Variants in XKR4 observed in about 807,000 individuals in gnomAD.
XKR4 encodes the protein XK-related protein 4.
In XKR4, 12 loss-of-function variants were observed where a neutral mutation model predicts 53.9. That is an observed-to-expected ratio of 0.22 (90% confidence interval 0.14 to 0.36). The LOEUF (loss-of-function observed/expected upper bound fraction) is 0.36. XKR4 is among the 10% of genes least tolerant of loss of function. The pLI is 1.00. For missense variants in XKR4, 799 were observed against 859.5 expected, an observed-to-expected ratio of 0.93 and a Z score of 0.88; for synonymous variants, 354 against 362.4, an observed-to-expected ratio of 0.98 and a Z score of 0.26.
At chr8:55,487,697 G>T (rs1806215440) in intron 2 of XKR4, among the ~76,000 whole-genome samples, 1 of 152,080 alleles carries the variant, frequency 6.6e-6, no homozygotes, top group South Asian at 2.1e-4. Flanking sequence ...TTGAACTCCT[G>T]GCCTCATGTG....
chr8:55,345,766 G>T (rs541075583), intron 1 of XKR4, among the ~76,000 whole-genome samples: 2 of 152,286 alleles, frequency 1.3e-5, no homozygotes, highest in East Asian at 3.9e-4. Context: ...GAGGTGGTGT[G>T]CTTGGGGCAC....
chr8:55,533,340 G>C lies in XKR4; in HGVS notation c.*9113G>C, dbSNP rs1385024076. ...CACCTTAACATAACCAAAAAAAGGAGACCTGTCAGCTAGTGAAAGAATTGT... is the reference window on the plus strand; with the variant it reads ...CACCTTAACATAACCAAAAAAAGGACACCTGTCAGCTAGTGAAAGAATTGT... On this transcript the variant is annotated 3_prime_UTR_variant, in exon 3 of 3. Coordinates refer to ENST00000327381, the MANE Select transcript of XKR4 (RefSeq NM_052898.2). 1 of 152,148 alleles carries C rather than the reference G, an allele frequency of 6.6e-6. No individual in the cohort carries two copies. Among genetic ancestry groups the C allele is most frequent in the Non-Finnish European group, 1.5e-5 (1 of 68,020 alleles). The allele number at this position is 152,148 out of a possible 1,614,324, so 9.4% of individuals were successfully genotyped here. A position where few individuals can be genotyped will look rare whatever the true frequency, so the allele number is the denominator to read the frequency against.
At position 55,466,080 on chromosome 8, in the gene XKR4, G is replaced by A. The variant is rs867161238; in HGVS notation, c.1007-57201G>A. On this transcript the variant is annotated intron_variant, in intron 2 of 2. Coordinates refer to ENST00000327381, the MANE Select transcript of XKR4 (RefSeq NM_052898.2). Reference sequence around the variant, plus strand: ...CAACCATTGTGGAAGTCAGTGTGGCGATTCCTCAGGGATCTAGAACTAGAA... The same window carrying A: ...CAACCATTGTGGAAGTCAGTGTGGCAATTCCTCAGGGATCTAGAACTAGAA... 5.9e-3 allele frequency among the ~76,000 whole-genome samples: 902 copies of A among 152,140 alleles called. 15 individuals are homozygous for A. The highest frequency in any genetic ancestry group is 0.02 in the African/African-American group (840 of 41,470).
chr8:55,438,712 A>T (rs1243420217), intron 2 of XKR4, among the ~76,000 whole-genome samples: 1 of 152,166 alleles, frequency 6.6e-6, no homozygotes, highest in Non-Finnish European at 1.5e-5. Context: ...CTTATTATAT[A>T]AAGAAAGAAA....
chr8:55,490,701 A>G (rs1876235), intron 2 of XKR4, among the ~76,000 whole-genome samples: 65,523 of 151,954 alleles, frequency 0.43, 15,881 homozygotes, highest in African/African-American at 0.66. Context: ...TGTACGTGAC[A>G]TGTTTTTTTT....
At chr8:55,331,761 C>T (rs1803387505) in intron 1 of XKR4, among the ~76,000 whole-genome samples, 1 of 152,070 alleles carries the variant, frequency 6.6e-6, no homozygotes, top group Admixed American at 6.6e-5. Flanking sequence ...TATTAGTTTG[C>T]CATCCCTACC....
intron 1 of XKR4, among the ~76,000 whole-genome samples, chr8:55,270,860 G>A (rs879282530): frequency 6.6e-6 from 1 of 152,164 alleles, no homozygotes; most frequent in Non-Finnish European, 1.5e-5. Flanking sequence ...GGAAAGAGGG[G>A]TGAAAGGCAT....
intron 1 of XKR4, among the ~76,000 whole-genome samples, chr8:55,226,995 T>G (rs1365898269): frequency 6.6e-6 from 1 of 152,178 alleles, no homozygotes; most frequent in Non-Finnish European, 1.5e-5. Flanking sequence ...GGCTCACTCT[T>G]ACTTACCTGT....
chr8:55,460,104 G>C (rs1248542696), intron 2 of XKR4, among the ~76,000 whole-genome samples: 2 of 147,782 alleles, frequency 1.4e-5, no homozygotes, highest in Non-Finnish European at 3.0e-5. Context: ...CAATACAAAA[G>C]AATAACAACT....
chr8:55,334,186 A>G (rs1244736232), intron 1 of XKR4, among the ~76,000 whole-genome samples: 1 of 152,242 alleles, frequency 6.6e-6, no homozygotes, highest in African/African-American at 2.4e-5. Context: ...TGAATAACCT[A>G]GAATGGTGAA....
chr8:55,186,859 T>G (rs1405119902), intron 1 of XKR4, among the ~76,000 whole-genome samples: 3 of 152,200 alleles, frequency 2.0e-5, no homozygotes, highest in Non-Finnish European at 4.4e-5. Flanking sequence ...TTGTTATATT[T>G]GTAATCAGTA....
At position 55,539,041 on chromosome 8, in the gene XKR4, C is replaced by T. The variant is rs1198420804; in HGVS notation, c.*14814C>T. Reference sequence around the variant, plus strand: ...GGGAATTCTACTAAAGGATAAAGGACACAGTGTGAAAACAACATCAGAGAA... The same window carrying T: ...GGGAATTCTACTAAAGGATAAAGGATACAGTGTGAAAACAACATCAGAGAA... On this transcript the variant is annotated 3_prime_UTR_variant, in exon 3 of 3. Transcript: ENST00000327381. 6.6e-6 allele frequency: 1 copy of T among 152,188 alleles called. No individual in the cohort carries two copies. Among genetic ancestry groups the T allele is most frequent in the Non-Finnish European group, 1.5e-5 (1 of 68,040 alleles). The allele number at this position is 152,188 out of a possible 1,614,324, so 9.4% of individuals were successfully genotyped here. A position where few individuals can be genotyped will look rare whatever the true frequency, so the allele number is the denominator to read the frequency against.
intron 1 of XKR4, among the ~76,000 whole-genome samples, chr8:55,288,953 G>T (rs576813061): frequency 6.6e-6 from 1 of 152,162 alleles, no homozygotes; most frequent in East Asian, 1.9e-4. Context: ...ATTGAGCATG[G>T]TTATCTGGAC....
rs75397229 is a variant in XKR4, at chr8:55,201,479, C to T, written c.806+98185C>T. ...GTAATTTAAAATTTGTCATTTTTCT[C>T]GTAGCATTTCTGGGAAAATTGAGAC... On this transcript the variant is annotated intron_variant, in intron 1 of 2. Transcript: ENST00000327381. Among the ~76,000 whole-genome samples, 1,497 of 152,250 alleles carry T rather than the reference C, an allele frequency of 9.8e-3. 23 individuals carry two copies. The highest frequency in any genetic ancestry group is 0.034 in the African/African-American group (1,432 of 41,538).
At chr8:55,522,446 T>A (rs1431939312) in intron 2 of XKR4, among the ~76,000 whole-genome samples, 1 of 152,196 alleles carries the variant, frequency 6.6e-6, no homozygotes, top group Non-Finnish European at 1.5e-5. Context: ...GCACCAGGTA[T>A]CACAAGAAAC....
intron 2 of XKR4, among the ~76,000 whole-genome samples, chr8:55,433,527 C>T (rs577585397): frequency 2.0e-5 from 3 of 152,210 alleles, no homozygotes; most frequent in South Asian, 4.2e-4. Flanking sequence ...GTCATTTGTA[C>T]ATAAAGAGAA....
intron 2 of XKR4, among the ~76,000 whole-genome samples, chr8:55,500,761 G>T (rs949570487): frequency 6.6e-6 from 1 of 152,126 alleles, no homozygotes; most frequent in African/African-American, 2.4e-5. Context: ...ATTTAACCCT[G>T]CAAAACCCCT....
chr8:55,452,133 G>A (rs924371955), intron 2 of XKR4: 15 of 700,532 alleles, frequency 2.1e-5, no homozygotes, highest in Non-Finnish European at 3.1e-5. Flanking sequence ...CCTGACATCC[G>A]GTGTGTACCG....
chr8:55,199,577 A>C (rs1010937914), intron 1 of XKR4, among the ~76,000 whole-genome samples: 1 of 152,138 alleles, frequency 6.6e-6, no homozygotes, highest in African/African-American at 2.4e-5. Flanking sequence ...GATATTAACC[A>C]CCTGCGCAGA....
Sources: allele counts gnomAD v4.1 joint callset (sites outside exome capture counted in the v4.1 genomes callset), GRCh38; gene constraint gnomAD v4.1.1; transcripts MANE v1.5; gene names NCBI Gene and HGNC (gene_info 2026-07-23, HGNC 2026-07-21).